Variants in XPA observed in about 807,000 individuals in gnomAD.
XPA encodes DNA repair protein complementing XP-A cells.
Under a neutral mutation model 35.7 loss-of-function variants are expected in XPA, and 27 were observed. The ratio of observed to expected loss-of-function variants is 0.76; its 90% CI spans 0.56 to 1.04. The LOEUF (loss-of-function observed/expected upper bound fraction) is 1.04, where lower values mean the gene tolerates loss of function less well. Among genes scored for constraint, XPA ranks in the 50% least tolerant of loss-of-function variants. The probability of loss-of-function intolerance (pLI) is 0.00; values close to 1 mark genes in which losing one functional copy is unlikely to be tolerated. For synonymous variants in XPA, 133 were observed against 118.4 expected (o/e 1.12, Z -0.80); for missense variants, 354 against 342.7 (o/e 1.03, Z -0.26).
At chr9:97,664,541 A>G in the XPA span, 8,909 of 754,510 alleles carry the variant, frequency 0.012, 519 homozygotes, top group Admixed American at 0.1. Flanking sequence ...AACCAGGTTG[A>G]TATTAATATA....
rs1001934826 is a variant in XPA, at chr9:97,684,939, A to C, written c.657T>G (p.Phe219Leu). The C allele has an allele frequency of 2.5e-6, 4 of 1,613,466 alleles. No homozygotes were observed. The Admixed American group carries it at 5.0e-5, about 20-fold the overall frequency. Residue 219 changes from phenylalanine (F) to leucine (L), a missense_variant, in exon 5 of 6, where the codon TTT (phenylalanine) becomes TTG (leucine). Phe to Leu is a conservative substitution (Grantham distance 22). Coordinates refer to ENST00000375128, the MANE Select transcript of XPA (RefSeq NM_000380.4). ...ENREKMKQKK[F>L]DKKVKELRRA... ...GCCATCTACCTTTTACTTTTTTATC[A>C]AATTTCTTCTGTTTCATTTTTTCTC...
At chr9:97,685,209 TAATAA>T (rs1476959360) in intron 4 of XPA, among the ~76,000 whole-genome samples, 169 bp from the exon 5 acceptor site, 1 of 152,206 alleles carries the variant, frequency 6.6e-6, no homozygotes, top group African/African-American at 2.4e-5. Context: ...GAAACAACTC[TAATAA>T]AACATCTATC....
At chr9:97,666,696 G>T in the XPA span, 1 of 1,096,204 alleles carries the variant, frequency 9.1e-7, no homozygotes, top group South Asian at 1.6e-5. Flanking sequence ...AATTACAAAA[G>T]TTGAAAGATT....
At chr9:97,693,116 TAA>T (rs1457795851) in intron 2 of XPA, among the ~76,000 whole-genome samples, 4 of 150,370 alleles carry the variant, frequency 2.7e-5, no homozygotes, top group South Asian at 4.2e-4. Flanking sequence ...TATGAACAAA[TAA>T]AGTGTTTCTA....
the XPA span, among the ~76,000 whole-genome samples, chr9:97,662,680 A>G: frequency 6.6e-6 from 1 of 152,294 alleles, no homozygotes; most frequent in South Asian, 2.1e-4. Context: ...ATATTTCACC[A>G]TGTTTGAAGA....
At chr9:97,693,042 G>A (rs1828937922) in intron 2 of XPA, among the ~76,000 whole-genome samples, 2 of 149,376 alleles carry the variant, frequency 1.3e-5, no homozygotes, top group Non-Finnish European at 3.0e-5. Context: ...CTAAAGACTG[G>A]AATAGGTCTT....
chr9:97,666,979 C>A, the XPA span: 1 of 905,520 alleles, frequency 1.1e-6, no homozygotes, highest in Non-Finnish European at 1.6e-6. Flanking sequence ...TTTTTCTGAG[C>A]CCAAATTAAT....
At chr9:97,690,726 T>C (rs1176411669) in intron 2 of XPA, among the ~76,000 whole-genome samples, 2 of 152,330 alleles carry the variant, frequency 1.3e-5, no homozygotes, top group South Asian at 2.1e-4. Context: ...TTTTGCCATG[T>C]TGGCCAGGTT....
At chr9:97,656,049 C>T in the XPA span, 26,263 of 1,613,510 alleles carry the variant, frequency 0.016, 282 homozygotes, top group Non-Finnish European at 0.019. Flanking sequence ...AGTCCCAAAC[C>T]GAAGTTTGTA....
At chr9:97,654,818 T>C in the XPA span, 4 of 1,347,650 alleles carry the variant, frequency 3.0e-6, no homozygotes, top group African/African-American at 2.9e-5. Context: ...TTTCTATTCT[T>C]GTCTATTACA....
At chr9:97,658,194 T>G in the XPA span, among the ~76,000 whole-genome samples, 2 of 152,184 alleles carry the variant, frequency 1.3e-5, no homozygotes, top group Non-Finnish European at 2.9e-5. Context: ...ACTGTTTTTA[T>G]GTCCACCTGT....
the XPA span, chr9:97,664,433 G>T: frequency 6.3e-7 from 1 of 1,599,080 alleles, no homozygotes; most frequent in Non-Finnish European, 8.6e-7. Context: ...ACTATCTCGT[G>T]ACTTTACCAG....
intron 1 of XPA, 131 bp downstream of exon 1, chr9:97,696,990 G>C (rs1364801200): frequency 1.1e-4 from 139 of 1,222,880 alleles, no homozygotes; most frequent in Non-Finnish European, 9.8e-6. Context: ...TCTCCGACTC[G>C]GGGAGAATCT....
At chr9:97,696,993 G>A (rs1829065847) in intron 1 of XPA, 128 bp downstream of exon 1, 1 of 1,243,034 alleles carries the variant, frequency 8.0e-7, no homozygotes, top group Non-Finnish European at 1.1e-6. Context: ...CCGACTCGGG[G>A]AGAATCTGCA....
the XPA span, chr9:97,666,721 C>A: frequency 2.3e-6 from 3 of 1,280,916 alleles, no homozygotes; most frequent in African/African-American, 1.5e-5. Flanking sequence ...TTTCTGTAAC[C>A]ATAGCTTGAC....
downstream of XPA, chr9:97,672,209 G>A (rs1226494318): frequency 1.3e-5 from 2 of 152,088 alleles, no homozygotes; most frequent in African/African-American, 4.8e-5. Context: ...TCCAAATTTC[G>A]AGGATTTTTA....
the XPA span, among the ~76,000 whole-genome samples, chr9:97,656,792 T>G: frequency 6.6e-6 from 1 of 152,116 alleles, no homozygotes; most frequent in Admixed American, 6.5e-5. Context: ...TCCTTTAATG[T>G]TCCATTACAT....
chr9:97,689,311 G>A (rs1828812886), intron 3 of XPA, among the ~76,000 whole-genome samples: 1 of 152,110 alleles, frequency 6.6e-6, no homozygotes, highest in South Asian at 2.1e-4. Context: ...AATTTCTATG[G>A]CAGAACCATC....
the XPA span, chr9:97,661,129 A>G: frequency 2.5e-5 from 40 of 1,590,520 alleles, no homozygotes; most frequent in Non-Finnish European, 3.1e-5. Context: ...AAGCATAAAC[A>G]TAACTCTGGC....
Sources: allele counts gnomAD v4.1 joint callset (sites outside exome capture counted in the v4.1 genomes callset), GRCh38; gene constraint gnomAD v4.1.1; transcripts MANE v1.5; gene names NCBI Gene and HGNC (gene_info 2026-07-23, HGNC 2026-07-21).